GRM7: variants seen among roughly 807,000 people sequenced by gnomAD.
GRM7 encodes metabotropic glutamate receptor 7.
GRM7 carries 35 observed loss-of-function variants against 84.5 expected under a neutral mutation model. The observed-to-expected ratio is 0.41, with a 90% CI of 0.32 to 0.55. GRM7 has a LOEUF of 0.55. Among genes scored for constraint, GRM7 ranks in the 20% least tolerant of loss-of-function variants. GRM7 has a pLI of 0.19. For missense variants in GRM7, 1,003 were observed against 1,194.6 expected (o/e 0.84, Z 2.36); for synonymous variants, 487 against 455.1 (o/e 1.07, Z -0.89).
chr3:7,278,865 A>T (rs528862192), intron 2 of GRM7, among the ~76,000 whole-genome samples: 1 of 152,328 alleles, frequency 6.6e-6, no homozygotes, highest in South Asian at 2.1e-4. Context: ...AGCAGAGAAG[A>T]AACATCAAAC....
At chr3:7,455,868 T>C (rs927956658) in intron 6 of GRM7, among the ~76,000 whole-genome samples, 1 of 152,134 alleles carries the variant, frequency 6.6e-6, no homozygotes, top group Non-Finnish European at 1.5e-5. Context: ...TTTAAAAAAC[T>C]CTTTACTTTT....
intron 1 of GRM7, among the ~76,000 whole-genome samples, chr3:6,964,191 C>G (rs1446424068): frequency 6.6e-6 from 1 of 152,164 alleles, no homozygotes; most frequent in African/African-American, 2.4e-5. Flanking sequence ...GCTGCTATGA[C>G]AAAGTACTAT....
At chr3:7,659,773 G>T (rs988339985) in intron 8 of GRM7, among the ~76,000 whole-genome samples, 1 of 152,174 alleles carries the variant, frequency 6.6e-6, no homozygotes, top group Non-Finnish European at 1.5e-5. Flanking sequence ...TTTCAACACG[G>T]TAAGATGTTT....
intron 8 of GRM7, among the ~76,000 whole-genome samples, chr3:7,601,374 A>G (rs969032656): frequency 1.3e-5 from 2 of 152,036 alleles, no homozygotes; most frequent in African/African-American, 2.4e-5. Context: ...ACATTAGACC[A>G]TAAGTGAGAG....
intron 8 of GRM7, among the ~76,000 whole-genome samples, chr3:7,659,421 C>T (rs1191749116): frequency 6.6e-6 from 1 of 152,100 alleles, no homozygotes; most frequent in African/African-American, 2.4e-5. Context: ...CATTTAAAGG[C>T]ATCTCTTTTA....
chr3:7,679,504 CAAG>C (rs765016674), intron 8 of GRM7, among the ~76,000 whole-genome samples: 1 of 152,036 alleles, frequency 6.6e-6, no homozygotes, highest in Non-Finnish European at 1.5e-5. Context: ...CAGAATTAAG[CAAG>C]AAGATCTTAG....
At chr3:7,489,553 A>G (rs1481879976) in intron 7 of GRM7, among the ~76,000 whole-genome samples, 1 of 152,156 alleles carries the variant, frequency 6.6e-6, no homozygotes, top group Non-Finnish European at 1.5e-5. Context: ...ATCTATCTGT[A>G]AGGGTGGTGC....
intron 7 of GRM7, among the ~76,000 whole-genome samples, chr3:7,550,321 T>C (rs1693388971): frequency 8.0e-6 from 1 of 124,676 alleles, no homozygotes; most frequent in African/African-American, 3.0e-5. Context: ...CCTTCCTGTC[T>C]TCCTCCCTTT....
chr3:7,336,479 A>G (rs1701426022), intron 4 of GRM7, among the ~76,000 whole-genome samples: 1 of 151,980 alleles, frequency 6.6e-6, no homozygotes, highest in African/African-American at 2.4e-5. Context: ...CTGAGAACTG[A>G]AACAAGACAA....
At chr3:7,219,289 C>T (rs567964832) in intron 2 of GRM7, among the ~76,000 whole-genome samples, 7 of 151,580 alleles carry the variant, frequency 4.6e-5, no homozygotes, top group East Asian at 3.9e-4. Context: ...ATTTACTGAA[C>T]GCTACACCTG....
In GRM7 at chr3:6,927,495, A is replaced by G. The variant is rs188070682; in HGVS notation, c.519+65588A>G. 6.1e-4 allele frequency among the ~76,000 whole-genome samples: 90 copies of G among 146,544 alleles called. 2 individuals carry two copies. The East Asian group carries it at 0.014, about 22-fold the overall frequency. On this transcript the variant is annotated intron_variant, in intron 1 of 9. Coordinates refer to ENST00000357716, the MANE Select transcript of GRM7 (RefSeq NM_000844.4). Reference sequence around the variant, plus strand: ...AAAGAAAGAAAGAAAGAAAGAAAGAAAGAAAGAAAGAAAGAAAGAAAGAAG... The same window carrying G: ...AAAGAAAGAAAGAAAGAAAGAAAGAGAGAAAGAAAGAAAGAAAGAAAGAAG...
At chr3:6,996,940 A>G (rs929855106) in intron 1 of GRM7, among the ~76,000 whole-genome samples, 9 of 152,196 alleles carry the variant, frequency 5.9e-5, no homozygotes, top group Admixed American at 5.9e-4. Context: ...TCCCTGTCCT[A>G]CCTACAAACA....
chr3:6,897,430 C>T (rs185717294), intron 1 of GRM7, among the ~76,000 whole-genome samples: 44 of 152,310 alleles, frequency 2.9e-4, no homozygotes, highest in Admixed American at 2.3e-3. Context: ...CAGTTTAGAT[C>T]TAGAGCTTAA....
chr3:7,514,459 T>G (rs1021788816), intron 7 of GRM7, among the ~76,000 whole-genome samples: 1 of 152,228 alleles, frequency 6.6e-6, no homozygotes, highest in East Asian at 1.9e-4. Flanking sequence ...TTTCAGAAGT[T>G]TGGTCAAAGG....
At chr3:7,515,499 A>G (rs1050181719) in intron 7 of GRM7, among the ~76,000 whole-genome samples, 3 of 152,176 alleles carry the variant, frequency 2.0e-5, no homozygotes, top group African/African-American at 7.2e-5. Context: ...CCTGCCCTAT[A>G]ATTTTAAGCC....
At chr3:7,273,446 A>T (rs963689716) in intron 2 of GRM7, among the ~76,000 whole-genome samples, 1 of 152,054 alleles carries the variant, frequency 6.6e-6, no homozygotes, top group Admixed American at 6.5e-5. Context: ...TTTCTAATAG[A>T]CAGCTATTGA....
At chr3:7,088,550 C>A (rs550043073) in intron 1 of GRM7, among the ~76,000 whole-genome samples, 6 of 149,826 alleles carry the variant, frequency 4.0e-5, no homozygotes, top group African/African-American at 1.2e-4. Context: ...CAGAGATCAT[C>A]TAAATGCGTG....
intron 4 of GRM7, among the ~76,000 whole-genome samples, chr3:7,374,532 G>T (rs941322639): frequency 6.6e-6 from 1 of 151,858 alleles, no homozygotes; most frequent in African/African-American, 2.4e-5. Context: ...AGGCTGGAGT[G>T]CAATGGTGCG....
intron 1 of GRM7, among the ~76,000 whole-genome samples, chr3:6,900,186 G>A (rs1696333996): frequency 6.6e-6 from 1 of 152,166 alleles, no homozygotes; most frequent in Admixed American, 6.5e-5. Context: ...ATTACAAGCA[G>A]TTTGGGGACC....
Sources: gnomAD v4.1 joint callset for allele counts (sites outside exome capture counted in the v4.1 genomes callset) on GRCh38, gnomAD v4.1.1 for gene constraint, MANE v1.5 for transcripts, NCBI Gene and HGNC (gene_info 2026-07-23, HGNC 2026-07-21) for gene names.